The following ZNRF1 variants were observed in gnomAD, a reference collection of about 807,000 sequenced individuals.
ZNRF1 encodes the protein zinc and ring finger 1.
In ZNRF1, 3 loss-of-function variants were observed where a neutral mutation model predicts 18.4. That is an observed-to-expected ratio of 0.16 (90% CI 0.07 to 0.42). The LOEUF (loss-of-function observed/expected upper bound fraction) is 0.42, where lower values mean the gene tolerates loss of function less well. Among genes scored for constraint, ZNRF1 ranks in the 10% least tolerant of loss-of-function variants. ZNRF1 has a pLI of 0.99. For missense variants in ZNRF1, 310 were observed against 329.8 expected (o/e 0.94, Z 0.47); for synonymous variants, 157 against 144.2 (o/e 1.09, Z -0.64).
At chr16:75,003,641 T>G (rs2034881716) in intron 1 of ZNRF1, among the ~76,000 whole-genome samples, 1 of 152,182 alleles carries the variant, frequency 6.6e-6, no homozygotes, top group Non-Finnish European at 1.5e-5. Flanking sequence ...CTCTTCCGCC[T>G]CTTATCTGAA....
In ZNRF1 at chr16:75,108,772, G is replaced by GC. The variant is rs1321955504; in HGVS notation, c.*1078dup. ...AATCAAGAAATGGGGGCAAGGGCCT[G>GC]CCCCCCACTCCCTCACCTACCTCCT... On this transcript the variant is annotated 3_prime_UTR_variant, in exon 5 of 5. Coordinates refer to ENST00000335325, the MANE Select transcript of ZNRF1 (RefSeq NM_032268.5). The GC allele has an allele frequency of 1.1e-5, 4 of 378,570 alleles. No individual in the cohort carries two copies. The highest frequency in any genetic ancestry group is 9.3e-6 in the Non-Finnish European group (2 of 214,958). The allele number at this position is 378,570 out of a possible 1,614,324, so 23.5% of individuals were successfully genotyped here. A position where few individuals can be genotyped will look rare whatever the true frequency, so the allele number is the denominator to read the frequency against.
intron 1 of ZNRF1, among the ~76,000 whole-genome samples, chr16:75,060,228 A>G (rs555835429): frequency 1.4e-4 from 21 of 151,646 alleles, no homozygotes; most frequent in Admixed American, 1.2e-3. Flanking sequence ...TAATTTTTGT[A>G]TTTTTAGTAG....
intron 1 of ZNRF1, among the ~76,000 whole-genome samples, chr16:75,044,249 A>T (rs1213947329): frequency 6.6e-6 from 1 of 152,018 alleles, no homozygotes; most frequent in Non-Finnish European, 1.5e-5. Flanking sequence ...TTATTTTTTG[A>T]GACGGAGTCT....
At position 75,038,998 on chromosome 16, in the gene ZNRF1, CT is replaced by C. The variant is rs2035408287; in HGVS notation, c.424+38904del. On this transcript the variant is annotated intron_variant, in intron 1 of 4. Transcript: ENST00000335325. ...CCATATCTTCTTCTGTGTTTAATCT[CT>C]GTGTTAAGCACAGCATTACATTCCA... is the stretch of plus-strand genomic sequence containing the variant. 2.6e-5 allele frequency among the ~76,000 whole-genome samples: 4 copies of C among 152,200 alleles called. No individual in the cohort carries two copies. The South Asian group carries it at 8.3e-4, about 32-fold the overall frequency.
chr16:75,028,569 A>G (rs1206192080), intron 1 of ZNRF1, among the ~76,000 whole-genome samples: 1 of 152,248 alleles, frequency 6.6e-6, no homozygotes, highest in Non-Finnish European at 1.5e-5. Flanking sequence ...TGCTGGGATT[A>G]TAGGCGTGAG....
intron 1 of ZNRF1, among the ~76,000 whole-genome samples, chr16:75,047,957 C>CTTT (rs35369673): frequency 6.8e-6 from 1 of 147,344 alleles, no homozygotes; most frequent in Non-Finnish European, 1.5e-5. Flanking sequence ...CCTCATCATT[C>CTTT]TTTTTTTTTT....
At chr16:75,017,572 A>G (rs1004247390) in intron 1 of ZNRF1, among the ~76,000 whole-genome samples, 2 of 152,214 alleles carry the variant, frequency 1.3e-5, no homozygotes, top group African/African-American at 2.4e-5. Flanking sequence ...TAAGAAATCT[A>G]TATTGATCTG....
chr16:75,017,456 C>G (rs1234191193), intron 1 of ZNRF1, among the ~76,000 whole-genome samples: 2 of 152,204 alleles, frequency 1.3e-5, no homozygotes, highest in Non-Finnish European at 2.9e-5. Flanking sequence ...ACATATCCAT[C>G]TCCCAGAATT....
chr16:75,029,961 G>A (rs1238826339), intron 1 of ZNRF1, among the ~76,000 whole-genome samples: 1 of 151,656 alleles, frequency 6.6e-6, no homozygotes, highest in Non-Finnish European at 1.5e-5. Context: ...TACTCAAGAG[G>A]CCAAGGAGGG....
In ZNRF1 at chr16:75,109,478, A is replaced by G. The variant is rs1280235027; in HGVS notation, c.*1778A>G. 1 of 152,962 alleles carries G rather than the reference A, an allele frequency of 6.5e-6. No homozygotes were observed. Among genetic ancestry groups the G allele is most frequent in the African/African-American group, 2.4e-5 (1 of 41,470 alleles). The allele number at this position is 152,962 out of a possible 1,614,324, so 9.5% of individuals were successfully genotyped here. ...CAGTCACCCTCCATCAGATGCTTCC[A>G]GAAGCACCTACTCTGTGCAAGGGCA... On this transcript the variant is annotated 3_prime_UTR_variant, in exon 5 of 5. Coordinates refer to ENST00000335325, the MANE Select transcript of ZNRF1 (RefSeq NM_032268.5).
chr16:75,072,942 T>C (rs1942801936), intron 1 of ZNRF1, among the ~76,000 whole-genome samples: 1 of 152,174 alleles, frequency 6.6e-6, no homozygotes, highest in Non-Finnish European at 1.5e-5. Flanking sequence ...GCCCCAGTGC[T>C]ACTGTTCATC....
At chr16:75,030,083 CCTG>C in intron 1 of ZNRF1, among the ~76,000 whole-genome samples, 1 of 147,112 alleles carries the variant, frequency 6.8e-6, no homozygotes, top group African/African-American at 2.5e-5. Flanking sequence ...AAAAAAAAAA[CCTG>C]TTATTGAAAT....
At chr16:75,092,910 C>G (rs2036156446) in intron 1 of ZNRF1, among the ~76,000 whole-genome samples, 1 of 152,214 alleles carries the variant, frequency 6.6e-6, no homozygotes, top group African/African-American at 2.4e-5. Flanking sequence ...TATGCAAAGG[C>G]TGTTTCCAGG....
At chr16:75,005,384 C>CG (rs1050787795) in intron 1 of ZNRF1, among the ~76,000 whole-genome samples, 4 of 152,108 alleles carry the variant, frequency 2.6e-5, no homozygotes, top group African/African-American at 9.7e-5. Flanking sequence ...TTATGGGATA[C>CG]TACATTTTGA....
chr16:75,100,925 C>A (rs958267056), intron 2 of ZNRF1, among the ~76,000 whole-genome samples: 2 of 152,134 alleles, frequency 1.3e-5, no homozygotes, highest in African/African-American at 4.8e-5. Context: ...AAATGTCAAA[C>A]ACACAGCAAA....
intron 1 of ZNRF1, among the ~76,000 whole-genome samples, chr16:75,079,227 A>T (rs2035980746): frequency 6.6e-6 from 1 of 152,154 alleles, no homozygotes; most frequent in South Asian, 2.1e-4. Flanking sequence ...CATGCCTGTA[A>T]TCCCAACTCT....
intron 2 of ZNRF1, chr16:75,095,880 C>A (rs2036191799): frequency 1.2e-6 from 1 of 864,800 alleles, no homozygotes; most frequent in Non-Finnish European, 1.6e-6. Context: ...CCACCGGCAG[C>A]CTCACCCAAG....
intron 1 of ZNRF1, among the ~76,000 whole-genome samples, chr16:75,065,454 C>T (rs367878250): frequency 1.3e-4 from 20 of 152,258 alleles, no homozygotes; most frequent in South Asian, 1.2e-3. Context: ...ACTATTGTGA[C>T]GTTTAGCTGA....
At chr16:75,068,439 G>C (rs2035830477) in intron 1 of ZNRF1, among the ~76,000 whole-genome samples, 1 of 152,142 alleles carries the variant, frequency 6.6e-6, no homozygotes, top group Non-Finnish European at 1.5e-5. Flanking sequence ...TGGAGCAGCT[G>C]TGCTGCTGTG....
Sources: gnomAD v4.1 joint callset for allele counts (sites outside exome capture counted in the v4.1 genomes callset) on GRCh38, gnomAD v4.1.1 for gene constraint, MANE v1.5 for transcripts, NCBI Gene and HGNC (gene_info 2026-07-23, HGNC 2026-07-21) for gene names.